Variants in CASZ1 observed in about 807,000 individuals in gnomAD.
CASZ1 encodes castor zinc finger 1.
A neutral mutation model predicts 135.2 loss-of-function variants in CASZ1; 28 were observed. The ratio of observed to expected loss-of-function variants is 0.21; its 90% CI spans 0.15 to 0.28. The LOEUF is 0.28. Among genes scored for constraint, CASZ1 ranks in the 10% least tolerant of loss-of-function variants. The probability of loss-of-function intolerance (pLI) is 1.00; values close to 1 mark genes in which losing one functional copy is unlikely to be tolerated. For synonymous variants in CASZ1, 1,068 were observed against 1,073.4 expected (o/e 0.99, Z 0.10); for missense variants, 2,161 against 2,453.3 (o/e 0.88, Z 2.52).
chr1:10,712,712 C>G (rs1570512716), intron 2 of CASZ1, among the ~76,000 whole-genome samples: 1 of 152,166 alleles, frequency 6.6e-6, no homozygotes, highest in African/African-American at 2.4e-5. Context: ...GGGACCTCCC[C>G]TTAGGACCCC....
chr1:10,636,984 TC>T lies in CASZ1; in HGVS notation c.*1957del, dbSNP rs1409880245. 6.6e-6 allele frequency: 1 copy of T among 152,330 alleles called. No homozygotes were observed. The highest frequency in any genetic ancestry group is 1.5e-5 in the Non-Finnish European group (1 of 68,028). The allele number at this position is 152,330 out of a possible 1,614,324, so 9.4% of individuals were successfully genotyped here. ...GAGCATTGGTGGATCAAGCATTGTT[TC>T]CCCACAGAAAGAAAATAAAACAAAA... On this transcript the variant is annotated 3_prime_UTR_variant, in exon 21 of 21. Coordinates refer to ENST00000377022, the MANE Select transcript of CASZ1 (RefSeq NM_001079843.3).
At chr1:10,640,121 T>C in intron 20 of CASZ1, 62 bp from the exon 21 acceptor site, 5 of 1,541,276 alleles carry the variant, frequency 3.2e-6, no homozygotes, top group Non-Finnish European at 3.5e-6. Context: ...TCAACAGGGT[T>C]ACACCCACAT....
intron 14 of CASZ1, 39 bp downstream of exon 14, chr1:10,649,244 C>CGGGGGGACGAT (rs773816393): frequency 1.5e-5 from 24 of 1,607,344 alleles, no homozygotes; most frequent in Non-Finnish European, 2.0e-5. Flanking sequence ...AGGGCGGGTG[C>CGGGGGGACGAT]GGGGGGACGA....
chr1:10,740,233 G>T (rs1557543562), intron 2 of CASZ1, among the ~76,000 whole-genome samples: 1 of 152,232 alleles, frequency 6.6e-6, no homozygotes, highest in Admixed American at 6.5e-5. Context: ...TCGAGGCAAG[G>T]CCTGTGTATC....
chr1:10,713,033 C>T (rs1013171704), intron 2 of CASZ1, among the ~76,000 whole-genome samples: 9 of 152,244 alleles, frequency 5.9e-5, no homozygotes, highest in African/African-American at 2.2e-4. Flanking sequence ...CTCCTGCCCC[C>T]GCCCTCCTGC....
In CASZ1 at chr1:10,694,008, C is replaced by A; in HGVS notation, c.-23-96G>T. ...CCGCCCGCCCTGCTTGTCCCCCGCC[C>A]CGCAGGAGCGGCCCGTCCCGGGCGG... On this transcript the variant is annotated intron_variant, in intron 3 of 20. Transcript: ENST00000377022. The surrounding 1 kb of genome is among the most constrained non-coding windows in gnomAD (Gnocchi z 6.6). 1.6e-6 allele frequency: 2 copies of A among 1,232,374 alleles called. No individual in the cohort carries two copies. The highest frequency in any genetic ancestry group is 4.2e-5 in the Admixed American group (2 of 48,160). 76.3% of individuals were successfully genotyped at this position (1,232,374 alleles called of 1,614,324 possible).
intron 1 of CASZ1, among the ~76,000 whole-genome samples, chr1:10,785,770 C>T (rs544943575): frequency 6.6e-6 from 1 of 152,386 alleles, no homozygotes; most frequent in African/African-American, 2.4e-5. Flanking sequence ...CCAAATGAGG[C>T]TCAGCCCACA....
At chr1:10,736,259 G>A (rs111427140) in intron 2 of CASZ1, among the ~76,000 whole-genome samples, 2 of 152,276 alleles carry the variant, frequency 1.3e-5, no homozygotes, top group African/African-American at 4.8e-5. Context: ...TCACACTCCT[G>A]GTCCCCATCA....
At chr1:10,660,753 G>A in intron 5 of CASZ1, 2 of 558,706 alleles carry the variant, frequency 3.6e-6, no homozygotes, top group Non-Finnish European at 3.1e-6. Context: ...AAAATAAAAC[G>A]AGTTCATCAA....
In CASZ1 at chr1:10,693,999, T is replaced by C. The variant is rs74052166; in HGVS notation, c.-23-87A>G. 0.017 allele frequency: 22,766 copies of C among 1,318,676 alleles called. 3,051 individuals are homozygous for C. In the African/African-American group the frequency reaches 0.3, roughly 17 times the overall value. The allele number at this position is 1,318,676 out of a possible 1,614,324, so 81.7% of individuals were successfully genotyped here. A position where few individuals can be genotyped will look rare whatever the true frequency, so the allele number is the denominator to read the frequency against. The stretch of plus-strand genomic sequence containing the variant: ...GGACCCCGGCCGCCCGCCCTGCTTG[T>C]CCCCCGCCCCGCAGGAGCGGCCCGT... On this transcript the variant is annotated intron_variant, in intron 3 of 20. Transcript: ENST00000377022.
intron 17 of CASZ1, among the ~76,000 whole-genome samples, chr1:10,645,775 T>G (rs959172991): frequency 2.6e-5 from 4 of 152,234 alleles, no homozygotes; most frequent in African/African-American, 7.2e-5. Context: ...CTGACTTTCC[T>G]GTGTGGGCAC....
Position 10,777,284 on chromosome 1 carries a change from G to T in CASZ1, c.-233-16427C>A, listed in dbSNP as rs1026737222. On this transcript the variant is annotated intron_variant, in intron 1 of 20. Transcript: ENST00000377022. The surrounding 1 kb of genome is among the most constrained non-coding windows in gnomAD (Gnocchi z 4.4). Reference sequence around the variant, plus strand: ...CCTGAGGACAGGACAAGGACCGCAGGGTTGGGACCCCTATGAGGACCACGG... The same window carrying T: ...CCTGAGGACAGGACAAGGACCGCAGTGTTGGGACCCCTATGAGGACCACGG... 1.1e-4 allele frequency among the ~76,000 whole-genome samples: 16 copies of T among 152,146 alleles called. No homozygotes were observed. The highest frequency in any genetic ancestry group is 3.4e-4 in the African/African-American group (14 of 41,422).
intron 2 of CASZ1, among the ~76,000 whole-genome samples, chr1:10,734,598 GT>G: frequency 6.6e-6 from 1 of 152,238 alleles, no homozygotes; most frequent in Non-Finnish European, 1.5e-5. Context: ...GGCCCCTGGT[GT>G]TGGCAAAATG....
At chr1:10,753,221 T>C (rs1179948231) in intron 2 of CASZ1, among the ~76,000 whole-genome samples, 2 of 152,190 alleles carry the variant, frequency 1.3e-5, no homozygotes, top group African/African-American at 4.8e-5. Flanking sequence ...ACTCAGCAGG[T>C]AGCCCCCGGC....
At chr1:10,779,738 A>G (rs1640729133) in intron 1 of CASZ1, among the ~76,000 whole-genome samples, 1 of 152,232 alleles carries the variant, frequency 6.6e-6, no homozygotes, top group Non-Finnish European at 1.5e-5. Context: ...TTTCACTCAT[A>G]TAATAAACAT....
intron 2 of CASZ1, among the ~76,000 whole-genome samples, chr1:10,743,455 C>A (rs949893224): frequency 1.0e-4 from 14 of 135,790 alleles, no homozygotes; most frequent in African/African-American, 3.5e-4. Context: ...CCACCGAGAA[C>A]CTTCTAAGTG....
In CASZ1 at chr1:10,685,905, G is replaced by A. The variant is rs1200704703; in HGVS notation, c.16+7969C>T. ...ACGTGCCCCTGGACTCAGAGGAGCC[G>A]GAAAGAGGCTGACTTTCATTTCAGC... On this transcript the variant is annotated intron_variant, in intron 4 of 20. Coordinates refer to ENST00000377022, the MANE Select transcript of CASZ1 (RefSeq NM_001079843.3). Among the ~76,000 whole-genome samples, 5 of 152,228 alleles carry A rather than the reference G, an allele frequency of 3.3e-5. No homozygotes were observed. The East Asian group carries it at 7.7e-4, about 23-fold the overall frequency.
Position 10,762,822 on chromosome 1 carries a change from C to T in CASZ1, c.-233-1965G>A, listed in dbSNP as rs763056402. ...AGACCAGGGGCTGACCACAGGCCAA[C>T]GGTGAACACTCTCGGTGTTTCATGT... On this transcript the variant is annotated intron_variant, in intron 1 of 20. Coordinates refer to ENST00000377022, the MANE Select transcript of CASZ1 (RefSeq NM_001079843.3). This position sits in a 1 kb window ranked among gnomAD's most constrained non-coding sequence, Gnocchi z 4.1. 8.5e-5 allele frequency among the ~76,000 whole-genome samples: 13 copies of T among 152,158 alleles called. No individual in the cohort carries two copies. The highest frequency in any genetic ancestry group is 3.2e-3 in the Middle Eastern group (1 of 316).
At position 10,711,752 on chromosome 1, in the gene CASZ1, AAGG is replaced by A. The variant is rs1639290482; in HGVS notation, c.-76-6211_-76-6209del. ...TATTGAATATTATTCAGCTATAAAA[AAGG>A]AGTGAAGTTCTGATATGGGCTACAA... On this transcript the variant is annotated intron_variant, in intron 2 of 20. Coordinates refer to ENST00000377022, the MANE Select transcript of CASZ1 (RefSeq NM_001079843.3). The surrounding 1 kb of genome is among the most constrained non-coding windows in gnomAD (Gnocchi z 4.4). Among the ~76,000 whole-genome samples the A allele has an allele frequency of 6.6e-6, 1 of 152,202 alleles. No homozygotes were observed. Among genetic ancestry groups the A allele is most frequent in the Non-Finnish European group, 1.5e-5 (1 of 68,044 alleles).
Sources: allele counts gnomAD v4.1 joint callset (sites outside exome capture counted in the v4.1 genomes callset), GRCh38; gene constraint gnomAD v4.1.1; non-coding constraint Gnocchi (gnomAD v3.1); transcripts MANE v1.5; gene names NCBI Gene and HGNC (gene_info 2026-07-23, HGNC 2026-07-21).